The following RICTOR variants were observed in gnomAD, a reference collection of about 807,000 sequenced individuals.
RICTOR encodes the protein RPTOR independent companion of MTOR complex 2.
RICTOR carries 49 observed loss-of-function variants against 214.9 expected under a neutral mutation model. The observed-to-expected ratio is 0.23, with a 90% CI of 0.18 to 0.29. The LOEUF is 0.29. Ranked by LOEUF, RICTOR falls within the 10% of genes least tolerant of loss-of-function variation. The pLI, the probability that RICTOR is intolerant of heterozygous loss-of-function variation, is 1.00. For synonymous variants in RICTOR, 717 were observed against 711.3 expected (o/e 1.01, Z -0.13); for missense variants, 1,625 against 2,047.0 (o/e 0.79, Z 3.98).
chr5:39,061,860 C>T (rs1758564763), intron 2 of RICTOR, among the ~76,000 whole-genome samples: 1 of 151,816 alleles, frequency 6.6e-6, no homozygotes, highest in Admixed American at 6.6e-5. Flanking sequence ...AAAATAATAA[C>T]ATATACTTGT....
chr5:39,064,487 A>G (rs1758765111), intron 2 of RICTOR, among the ~76,000 whole-genome samples: 1 of 152,250 alleles, frequency 6.6e-6, no homozygotes, highest in Non-Finnish European at 1.5e-5. Context: ...TTATATATTT[A>G]GCATTCTTCT....
chr5:38,955,016 G>C lies in RICTOR; in HGVS notation c.2610-155C>G, dbSNP rs1749135815. ...GTAACAAGGAATGAGGATTTCTCAG[G>C]TAAAATATAGGCTGGGCTTCCCTAA... On this transcript the variant is annotated intron_variant, in intron 26 of 37. Coordinates refer to ENST00000357387, the MANE Select transcript of RICTOR (RefSeq NM_152756.5). 1.3e-5 allele frequency: 6 copies of C among 462,604 alleles called. No homozygotes were observed. The South Asian group carries it at 2.1e-4, about 16-fold the overall frequency. 28.7% of individuals were successfully genotyped at this position (462,604 alleles called of 1,614,324 possible).
At chr5:39,073,945 G>A (rs1387480964) in intron 2 of RICTOR, among the ~76,000 whole-genome samples, 166 bp downstream of exon 2, 2 of 151,762 alleles carry the variant, frequency 1.3e-5, no homozygotes, top group South Asian at 2.1e-4. Flanking sequence ...GGTCCGGCGA[G>A]GCGGCCCCGG....
In RICTOR at chr5:39,021,102, A is replaced by G; in HGVS notation, c.132T>C (p.Asn44=). 1 of 1,599,738 alleles carries G rather than the reference A, an allele frequency of 6.3e-7. No homozygotes were observed. The stretch of plus-strand genomic sequence containing the variant: ...TTGATACTCCCTGCAATCTGGCCAC[A>G]TTTTGGAGAATCTCTCTTAAGTTAT... ...PSDNLREILQ[N]VARLQGVSNM... is the part of the protein sequence containing the mutation. Residue 44 remains asparagine (N), a synonymous_variant, in exon 3 of 38, where the codon AAT becomes AAC. Coordinates refer to ENST00000357387, the MANE Select transcript of RICTOR (RefSeq NM_152756.5).
chr5:38,972,770 A>G (rs1429599189), intron 10 of RICTOR, among the ~76,000 whole-genome samples: 3 of 152,018 alleles, frequency 2.0e-5, no homozygotes, highest in Non-Finnish European at 4.4e-5. Context: ...CGCAAGAGAA[A>G]TGAAAACTCA....
chr5:39,009,720 C>A (rs1754352173), intron 3 of RICTOR, among the ~76,000 whole-genome samples: 1 of 151,838 alleles, frequency 6.6e-6, no homozygotes, highest in Non-Finnish European at 1.5e-5. Flanking sequence ...TTATCCCGAG[C>A]AGTGATTAAA....
intron 7 of RICTOR, among the ~76,000 whole-genome samples, chr5:38,990,617 G>A (rs1212312378): frequency 2.2e-5 from 2 of 92,100 alleles, no homozygotes; most frequent in African/African-American, 8.9e-5. Flanking sequence ...ATATATATAC[G>A]ATATATGATA....
chr5:39,002,487 A>C (rs772425819), intron 5 of RICTOR, 48 bp downstream of exon 5: 2 of 1,381,116 alleles, frequency 1.4e-6, no homozygotes, highest in Non-Finnish European at 2.0e-6. Flanking sequence ...CATGCTAAAA[A>C]CTCAACACAA....
chr5:38,965,791 G>A (rs1750165730), intron 15 of RICTOR, among the ~76,000 whole-genome samples: 1 of 151,976 alleles, frequency 6.6e-6, no homozygotes, highest in Admixed American at 6.6e-5. Context: ...GCTATGAAGG[G>A]AAAACAAGGG....
At chr5:39,003,471 G>A (rs1365957536) in intron 4 of RICTOR, 87 bp downstream of exon 4, 3 of 841,900 alleles carry the variant, frequency 3.6e-6, no homozygotes, top group African/African-American at 3.5e-5. Context: ...ATGAGGTGCT[G>A]TATTATTCTA....
At chr5:38,983,377 G>A (rs1240883829) in intron 7 of RICTOR, among the ~76,000 whole-genome samples, 3 of 151,980 alleles carry the variant, frequency 2.0e-5, no homozygotes, top group Non-Finnish European at 4.4e-5. Flanking sequence ...GTTGGTTTTC[G>A]CTTCAGAGTT....
intron 4 of RICTOR, among the ~76,000 whole-genome samples, chr5:39,003,074 C>T (rs1753763067): frequency 6.6e-6 from 1 of 152,048 alleles, no homozygotes; most frequent in Non-Finnish European, 1.5e-5. Flanking sequence ...TGGTTTAAAT[C>T]AATGATAATA....
chr5:39,017,654 T>C (rs2150130818), intron 3 of RICTOR, among the ~76,000 whole-genome samples: 1 of 152,244 alleles, frequency 6.6e-6, no homozygotes, highest in Non-Finnish European at 1.5e-5. Flanking sequence ...TAAATGCCTA[T>C]GTACTTGCTT....
At chr5:39,025,524 T>A (rs1044465240) in intron 2 of RICTOR, among the ~76,000 whole-genome samples, 37 of 152,244 alleles carry the variant, frequency 2.4e-4, no homozygotes, top group African/African-American at 8.4e-4. Context: ...CAGTTCAGTA[T>A]ACTATAAAAC....
chr5:38,990,449 A>G (rs1207878061), intron 7 of RICTOR, among the ~76,000 whole-genome samples: 6 of 151,404 alleles, frequency 4.0e-5, no homozygotes, highest in Non-Finnish European at 8.8e-5. Flanking sequence ...AAACCTACAC[A>G]TTCTGCACGT....
intron 2 of RICTOR, among the ~76,000 whole-genome samples, chr5:39,053,618 C>T (rs949996185): frequency 1.7e-4 from 26 of 152,280 alleles, no homozygotes; most frequent in African/African-American, 6.3e-4. Context: ...AAGGGTCGGG[C>T]GCGGTGGCTC....
intron 5 of RICTOR, among the ~76,000 whole-genome samples, chr5:38,999,057 C>T (rs1008897538): frequency 1.4e-5 from 2 of 140,708 alleles, no homozygotes; most frequent in Non-Finnish European, 3.1e-5. Context: ...AAAAACAAAC[C>T]TAAAATAAAT....
rs1035462030 is a variant in RICTOR at position 38,949,572 on chromosome 5, G to A, written c.4136+140C>T. 35 of 1,040,062 alleles carry A rather than the reference G, an allele frequency of 3.4e-5. No individual in the cohort carries two copies. In the Middle Eastern group the frequency reaches 1.7e-3, roughly 50 times the overall value. The allele number at this position is 1,040,062 out of a possible 1,614,324, so 64.4% of individuals were successfully genotyped here. On this transcript the variant is annotated intron_variant, in intron 31 of 37. Coordinates refer to ENST00000357387, the MANE Select transcript of RICTOR (RefSeq NM_152756.5). ...ATTTCAAGTCATATCGGGTAACAAG[G>A]AGCTTATAGCCTACCATAGTAAACA... is the stretch of plus-strand genomic sequence containing the variant.
chr5:39,036,524 A>T (rs551586160), intron 2 of RICTOR, among the ~76,000 whole-genome samples: 20 of 152,362 alleles, frequency 1.3e-4, no homozygotes, highest in Middle Eastern at 3.4e-3. Context: ...AGACTGGCAA[A>T]TTGGATAAAG....
Sources: allele counts gnomAD v4.1 joint callset (sites outside exome capture counted in the v4.1 genomes callset), GRCh38; gene constraint gnomAD v4.1.1; transcripts MANE v1.5; gene names NCBI Gene and HGNC (gene_info 2026-07-23, HGNC 2026-07-21).